Variants in ZNF503 observed in about 807,000 individuals in gnomAD.
ZNF503 encodes the protein zinc finger protein 503.
ZNF503 carries 15 observed loss-of-function variants against 34.4 expected under a neutral mutation model. The observed-to-expected ratio is 0.44, with a 90% CI of 0.29 to 0.67. ZNF503 has a LOEUF of 0.67. Among genes scored for constraint, ZNF503 ranks in the 30% least tolerant of loss-of-function variants. The pLI, the probability that ZNF503 is intolerant of heterozygous loss-of-function variation, is 0.13. For synonymous variants in ZNF503, 580 were observed against 456.8 expected, an observed-to-expected ratio of 1.27 and a Z score of -3.44; for missense variants, 1,007 against 926.8, an observed-to-expected ratio of 1.09 and a Z score of -1.12.
chr10:75,285,397 G>C, the ZNF503 span, among the ~76,000 whole-genome samples: 6 of 152,292 alleles, frequency 3.9e-5, no homozygotes, highest in South Asian at 1.2e-3. Context: ...TTGGTGCCTT[G>C]GTCTGCTTGG....
chr10:75,346,258 C>A, the ZNF503 span, among the ~76,000 whole-genome samples: 1 of 152,110 alleles, frequency 6.6e-6, no homozygotes, highest in Non-Finnish European at 1.5e-5. Context: ...TCTGGCTTCA[C>A]AAATGTGCAG....
Position 75,399,408 on chromosome 10 carries a change from G to C in ZNF503, c.1282C>G (p.Arg428Gly). Residue 428 changes from arginine to glycine, a missense_variant, in exon 2 of 2, where the codon CGG becomes GGG. Physicochemically the swap from Arg to Gly is moderately radical, Grantham distance 125. Coordinates refer to ENST00000372524, the MANE Select transcript of ZNF503 (RefSeq NM_032772.6). ...TGGTAGCTGAGGCAGTAAGGGTCCC[G>C]GCACAAACTGGCTGTCATCACGGAC... The part of the protein sequence containing the change: ...PPSVMTASLC[R>G]DPYCLSYHCA... 4 of 1,604,368 alleles carry C rather than the reference G, an allele frequency of 2.5e-6. No homozygotes were observed. Among genetic ancestry groups the C allele is most frequent in the Non-Finnish European group, 3.4e-6 (4 of 1,178,340 alleles).
the ZNF503 span, among the ~76,000 whole-genome samples, chr10:75,386,854 C>T: frequency 6.6e-6 from 1 of 152,212 alleles, no homozygotes; most frequent in East Asian, 1.9e-4. Flanking sequence ...TCCCCAATGA[C>T]TTTCACATGT....
chr10:75,401,405 G>A lies in ZNF503; in HGVS notation c.15C>T (p.Pro5=). 1 of 1,538,310 alleles carries A rather than the reference G, an allele frequency of 6.5e-7. No individual in the cohort carries two copies. Among genetic ancestry groups the A allele is most frequent in the East Asian group, 2.5e-5 (1 of 40,800 alleles). The change falls in exon 1 of 2, where the codon CCC becomes CCT. Residue 5 remains proline (P), a synonymous_variant. Coordinates refer to ENST00000372524, the MANE Select transcript of ZNF503 (RefSeq NM_032772.6). ...TACTGCTTCTTAGGGCAGAAAGCGA[G>A]GGCGCTGTGCTCATGACCCACCCGC... The part of the protein sequence containing the change: MSTA[P]SLSALRSSKH...
the ZNF503 span, among the ~76,000 whole-genome samples, chr10:75,328,714 T>C: frequency 6.6e-6 from 1 of 151,992 alleles, no homozygotes; most frequent in East Asian, 1.9e-4. Context: ...ACAATATTAA[T>C]TCTCCCAATC....
the ZNF503 span, among the ~76,000 whole-genome samples, chr10:75,388,327 C>CA: frequency 6.6e-6 from 1 of 152,158 alleles, no homozygotes; most frequent in Non-Finnish European, 1.5e-5. Context: ...ATACTCCCAC[C>CA]ATGGCTGATT....
the ZNF503 span, among the ~76,000 whole-genome samples, chr10:75,373,147 C>T: frequency 1.3e-5 from 2 of 152,246 alleles, no homozygotes; most frequent in African/African-American, 4.8e-5. Flanking sequence ...CACCTGTGGA[C>T]GGCTAACAGC....
chr10:75,366,803 A>C, the ZNF503 span, among the ~76,000 whole-genome samples: 6 of 152,214 alleles, frequency 3.9e-5, no homozygotes, highest in Admixed American at 6.5e-5. Flanking sequence ...TCATTGTGTA[A>C]ATATCCTAGC....
chr10:75,343,919 C>T, the ZNF503 span, among the ~76,000 whole-genome samples: 1 of 152,196 alleles, frequency 6.6e-6, no homozygotes. Flanking sequence ...ATCTGCTGGG[C>T]CTCCCATGCA....
the ZNF503 span, among the ~76,000 whole-genome samples, chr10:75,379,955 C>T: frequency 2.0e-5 from 3 of 152,168 alleles, no homozygotes; most frequent in Non-Finnish European, 2.9e-5. Flanking sequence ...GCACGCCACA[C>T]ACCCACAGCA....
At chr10:75,280,371 C>G in the ZNF503 span, 1 of 152,216 alleles carries the variant, frequency 6.6e-6, no homozygotes, top group Non-Finnish European at 1.5e-5. Context: ...GGTTCAGAAG[C>G]CTGCAAGGCA....
At chr10:75,362,677 G>T in the ZNF503 span, among the ~76,000 whole-genome samples, 1 of 152,290 alleles carries the variant, frequency 6.6e-6, no homozygotes, top group East Asian at 1.9e-4. Context: ...AATAATGACT[G>T]GGTATGAGGC....
At chr10:75,285,945 C>T in the ZNF503 span, among the ~76,000 whole-genome samples, 58 of 152,116 alleles carry the variant, frequency 3.8e-4, no homozygotes, top group African/African-American at 1.3e-3. Flanking sequence ...TCATTTGTAT[C>T]GGGTGGGCTC....
the ZNF503 span, among the ~76,000 whole-genome samples, chr10:75,381,090 A>G: frequency 2.0e-5 from 3 of 152,244 alleles, no homozygotes; most frequent in Non-Finnish European, 4.4e-5. Context: ...ATTGATTTTA[A>G]CAAAATAAAG....
chr10:75,293,342 G>T, the ZNF503 span, among the ~76,000 whole-genome samples: 7 of 152,306 alleles, frequency 4.6e-5, no homozygotes, highest in Non-Finnish European at 7.4e-5. Context: ...GGCCAGGACA[G>T]GTGGAACAAG....
the ZNF503 span, among the ~76,000 whole-genome samples, chr10:75,339,458 A>T: frequency 2.0e-5 from 3 of 152,234 alleles, no homozygotes. Context: ...CCTCCAAAAC[A>T]CTTATTAGCT....
chr10:75,388,813 A>G, the ZNF503 span, among the ~76,000 whole-genome samples: 3 of 152,214 alleles, frequency 2.0e-5, no homozygotes, highest in Admixed American at 6.5e-5. Context: ...TATAAAGGAA[A>G]ACCCAGAGCC....
chr10:75,294,997 G>A, the ZNF503 span, among the ~76,000 whole-genome samples: 3 of 152,140 alleles, frequency 2.0e-5, no homozygotes, highest in African/African-American at 7.2e-5. Context: ...CACTTCAAAG[G>A]CCTACGGGTC....
the ZNF503 span, among the ~76,000 whole-genome samples, chr10:75,319,177 G>C: frequency 1.3e-5 from 2 of 152,036 alleles, no homozygotes; most frequent in East Asian, 3.8e-4. Flanking sequence ...TGTTTCCCAG[G>C]CTGGTCTCAA....
Sources: allele counts gnomAD v4.1 joint callset (sites outside exome capture counted in the v4.1 genomes callset), GRCh38; gene constraint gnomAD v4.1.1; transcripts MANE v1.5; gene names NCBI Gene and HGNC (gene_info 2026-07-23, HGNC 2026-07-21).